PTPRE: variants seen among roughly 807,000 people sequenced by gnomAD.
PTPRE encodes the protein protein tyrosine phosphatase receptor type E, also known as receptor-type tyrosine-protein phosphatase epsilon.
PTPRE carries 51 observed loss-of-function variants against 102.0 expected under a neutral mutation model. The ratio of observed to expected loss-of-function variants is 0.50; its 90% CI spans 0.40 to 0.63. PTPRE has a LOEUF of 0.63. Ranked by LOEUF, PTPRE falls within the 30% of genes least tolerant of loss-of-function variation. The pLI is 0.00. For missense variants in PTPRE, 752 were observed against 915.1 expected (o/e 0.82, Z 2.30); for synonymous variants, 345 against 348.2 (o/e 0.99, Z 0.10).
chr10:127,946,322 C>A (rs1423150225), intron 1 of PTPRE, among the ~76,000 whole-genome samples: 3 of 152,192 alleles, frequency 2.0e-5, no homozygotes, highest in Admixed American at 6.5e-5. Context: ...TGTGGCCGAT[C>A]CTGCTCAAGG....
intron 5 of PTPRE, 116 bp from the exon 6 acceptor site, chr10:128,049,414 A>G (rs1848366051): frequency 7.5e-7 from 1 of 1,328,190 alleles, no homozygotes; most frequent in Non-Finnish European, 1.0e-6. Context: ...ATTTGAGAGA[A>G]CTGTTCCAGC....
chr10:128,024,790 T>G (rs1159149926), intron 2 of PTPRE, among the ~76,000 whole-genome samples: 2 of 152,138 alleles, frequency 1.3e-5, no homozygotes, highest in African/African-American at 4.8e-5. Flanking sequence ...TTCTTTTGCT[T>G]TTTAAAAAAT....
chr10:127,990,103 G>GA (rs1480172850), intron 2 of PTPRE, among the ~76,000 whole-genome samples: 1 of 152,104 alleles, frequency 6.6e-6, no homozygotes, highest in South Asian at 2.1e-4. Context: ...CAGGAGCCTA[G>GA]AAAAATGATT....
intron 2 of PTPRE, among the ~76,000 whole-genome samples, chr10:128,035,176 GT>G (rs1293423622): frequency 6.6e-6 from 1 of 152,004 alleles, no homozygotes; most frequent in Non-Finnish European, 1.5e-5. Context: ...TAGAGACAGG[GT>G]TTTGCCATAT....
intron 2 of PTPRE, among the ~76,000 whole-genome samples, chr10:128,024,077 A>T (rs1002950892): frequency 1.3e-5 from 2 of 152,240 alleles, no homozygotes; most frequent in African/African-American, 2.4e-5. Flanking sequence ...ATTGTGAGAC[A>T]TTGTACATTG....
chr10:128,064,434 C>A (rs1055922545), intron 10 of PTPRE, among the ~76,000 whole-genome samples: 2 of 152,238 alleles, frequency 1.3e-5, no homozygotes, highest in Non-Finnish European at 2.9e-5. Flanking sequence ...AGGGGATTCC[C>A]AGCCCAGGAC....
intron 2 of PTPRE, among the ~76,000 whole-genome samples, chr10:127,995,823 G>GCGCA (rs1853193448): frequency 1.3e-5 from 2 of 148,216 alleles, no homozygotes; most frequent in African/African-American, 2.5e-5. Flanking sequence ...CTCTACACGA[G>GCGCA]CACACACACA....
chr10:128,075,263 A>G (rs1305300495), intron 17 of PTPRE, among the ~76,000 whole-genome samples: 1 of 152,206 alleles, frequency 6.6e-6, no homozygotes, highest in African/African-American at 2.4e-5. Context: ...TTGTTTTACA[A>G]ACAGTGCTAC....
intron 1 of PTPRE, among the ~76,000 whole-genome samples, chr10:127,964,226 T>G (rs1850062518): frequency 6.6e-6 from 1 of 152,114 alleles, no homozygotes; most frequent in South Asian, 2.1e-4. Context: ...CTGGAGTGCA[T>G]TGGCATGATC....
chr10:128,040,055 C>A (rs1847546965), intron 2 of PTPRE, among the ~76,000 whole-genome samples: 1 of 152,216 alleles, frequency 6.6e-6, no homozygotes. Flanking sequence ...TGCCCCTGGG[C>A]ATTCCCACCC....
intron 6 of PTPRE, 133 bp from the exon 7 acceptor site, chr10:128,055,990 G>A (rs1848929829): frequency 1.4e-6 from 1 of 692,030 alleles, no homozygotes; most frequent in Non-Finnish European, 2.5e-6. Context: ...AAGGTCTGAG[G>A]CAGAGACGGA....
Position 128,070,554 on chromosome 10 carries a change from AACTG to A in PTPRE, c.1293+107_1293+110del. The A allele has an allele frequency of 7.0e-7, 1 of 1,425,174 alleles. No individual in the cohort carries two copies. The highest frequency in any genetic ancestry group is 2.4e-5 in the East Asian group (1 of 41,238). 88.3% of individuals were successfully genotyped at this position (1,425,174 alleles called of 1,614,324 possible). The stretch of plus-strand genomic sequence containing the variant: ...AGCCTCTTTCAATCACTTGCCCCTT[AACTG>A]ACCTCAGAAAAAGCAGGGGCAATAC... On this transcript the variant is annotated intron_variant, in intron 14 of 20. Coordinates refer to ENST00000254667, the MANE Select transcript of PTPRE (RefSeq NM_006504.6). This position sits in a 1 kb window ranked among gnomAD's most constrained non-coding sequence, Gnocchi z 4.8.
intron 15 of PTPRE, chr10:128,071,801 C>T (rs577725635): frequency 2.0e-5 from 4 of 204,750 alleles, no homozygotes; most frequent in Admixed American, 6.0e-5. Context: ...TTTTCTGGGG[C>T]CCCGGTGTCC....
chr10:128,049,114 G>C (rs1027081066), intron 5 of PTPRE, among the ~76,000 whole-genome samples: 2 of 152,114 alleles, frequency 1.3e-5, no homozygotes, highest in African/African-American at 2.4e-5. Context: ...AACGTTCTGA[G>C]TTTGCTCCCA....
chr10:127,962,401 T>C (rs1253355945), intron 1 of PTPRE, among the ~76,000 whole-genome samples: 2 of 152,206 alleles, frequency 1.3e-5, no homozygotes, highest in South Asian at 2.1e-4. Flanking sequence ...AGTCACTTGT[T>C]CTGATGGCTC....
At chr10:127,917,054 G>A (rs970469512) in intron 1 of PTPRE, among the ~76,000 whole-genome samples, 2 of 152,018 alleles carry the variant, frequency 1.3e-5, no homozygotes, top group Admixed American at 6.6e-5. Context: ...CCAGAATGGA[G>A]GTGACGGGGG....
At chr10:127,917,849 G>A (rs906139209) in intron 1 of PTPRE, among the ~76,000 whole-genome samples, 1 of 152,062 alleles carries the variant, frequency 6.6e-6, no homozygotes, top group Non-Finnish European at 1.5e-5. Context: ...GGCCAACATA[G>A]TGAAACCCCA....
intron 2 of PTPRE, among the ~76,000 whole-genome samples, chr10:127,983,995 C>T (rs552673211): frequency 3.9e-5 from 6 of 152,068 alleles, no homozygotes; most frequent in East Asian, 3.9e-4. Flanking sequence ...GCATCCACCA[C>T]GGGTAGTTGG....
chr10:127,999,690 A>C, intron 2 of PTPRE: 8 of 984,192 alleles, frequency 8.1e-6, no homozygotes, highest in Non-Finnish European at 9.7e-6. Flanking sequence ...ATTTATTTTT[A>C]AGCATTTATT....
Sources: gnomAD v4.1 joint callset for allele counts (sites outside exome capture counted in the v4.1 genomes callset) on GRCh38, gnomAD v4.1.1 for gene constraint, Gnocchi (gnomAD v3.1) non-coding constraint, MANE v1.5 for transcripts, NCBI Gene and HGNC (gene_info 2026-07-23, HGNC 2026-07-21) for gene names.